Variants in CLN6 observed in about 807,000 individuals in gnomAD.
The protein encoded by CLN6 is ceroid-lipofuscinosis neuronal protein 6.
A neutral mutation model predicts 33.3 loss-of-function variants in CLN6; 22 were observed. The ratio of observed to expected loss-of-function variants is 0.66; its 90% CI spans 0.47 to 0.94. CLN6 has a LOEUF of 0.94. CLN6 is among the 40% of genes least tolerant of loss of function. The pLI is 0.00. For synonymous variants in CLN6, 201 were observed against 174.6 expected (o/e 1.15, Z -1.19); for missense variants, 387 against 417.1 (o/e 0.93, Z 0.63).
rs1892202787 is a variant in CLN6 at position 68,234,793 on chromosome 15, G to C, written c.180-16143C>G. Among the ~76,000 whole-genome samples the C allele has an allele frequency of 6.6e-6, 1 of 152,234 alleles. No individual in the cohort carries two copies. Among genetic ancestry groups the C allele is most frequent in the African/African-American group, 2.4e-5 (1 of 41,460 alleles). On this transcript the variant is annotated intron_variant, in intron 1 of 6. Transcript: ENST00000538696. The surrounding 1 kb of genome is among the most constrained non-coding windows in gnomAD (Gnocchi z 4.1). Reference sequence around the variant, plus strand: ...GCACTTTGGGAGGCCAAGGTGAGCAGATCATTTGAGGTCGGGAGTTTGAGA... The same window carrying C: ...GCACTTTGGGAGGCCAAGGTGAGCACATCATTTGAGGTCGGGAGTTTGAGA...
upstream of CLN6, among the ~76,000 whole-genome samples, chr15:68,231,718 C>T (rs1259015540): frequency 6.6e-6 from 1 of 152,248 alleles, no homozygotes; most frequent in Non-Finnish European, 1.5e-5. Context: ...AATACAAACA[C>T]ATCTGCCTTT....
upstream of CLN6, chr15:68,229,734 G>C (rs1022011588): frequency 3.8e-5 from 17 of 452,392 alleles, no homozygotes; most frequent in South Asian, 1.0e-3. Context: ...AACAGGCGGG[G>C]CTGCGGACCC....
chr15:68,256,604 G>A lies in CLN6; in HGVS notation c.179+86C>T. On this transcript the variant is annotated intron_variant, in intron 1 of 6. Coordinates refer to the CLN6 transcript ENST00000538696. This position sits in a 1 kb window ranked among gnomAD's most constrained non-coding sequence, Gnocchi z 4.1. Reference sequence around the variant, plus strand: ...CACACACGTGGCTGGCTTCAGGGGTGTGGGCAGTGCAGTCGCACAGGGCCC... The same window carrying A: ...CACACACGTGGCTGGCTTCAGGGGTATGGGCAGTGCAGTCGCACAGGGCCC... 3.5e-6 allele frequency: 2 copies of A among 577,338 alleles called. No homozygotes were observed. The highest frequency in any genetic ancestry group is 3.0e-5 in the Admixed American group (1 of 33,332). 35.8% of individuals were successfully genotyped at this position (577,338 alleles called of 1,614,324 possible). A position where few individuals can be genotyped will look rare whatever the true frequency, so the allele number is the denominator to read the frequency against.
In CLN6 at chr15:68,210,816, A is replaced by G. The variant is rs2093202792; in HGVS notation, c.542+447T>C. The stretch of plus-strand genomic sequence containing the variant: ...CAGCCTGATCCAGCTGGCTCCCCGC[A>G]GCTTCCTCCACTCCCAAAGAGCAGG... On this transcript the variant is annotated intron_variant, in intron 5 of 6. Transcript: ENST00000249806. The surrounding 1 kb of genome is among the most constrained non-coding windows in gnomAD (Gnocchi z 5.6). Among the ~76,000 whole-genome samples, 1 of 152,112 alleles carries G rather than the reference A, an allele frequency of 6.6e-6. No individual in the cohort carries two copies. Among genetic ancestry groups the G allele is most frequent in the Admixed American group, 6.5e-5 (1 of 15,276 alleles).
In CLN6 at chr15:68,211,931, CCCCCT is replaced by C; in HGVS notation, c.298-73_298-69del. 6.6e-7 allele frequency: 1 copy of C among 1,506,344 alleles called. No homozygotes were observed. The highest frequency in any genetic ancestry group is 9.1e-7 in the Non-Finnish European group (1 of 1,093,166). The allele number at this position is 1,506,344 out of a possible 1,614,324, so 93.3% of individuals were successfully genotyped here. A position where few individuals can be genotyped will look rare whatever the true frequency, so the allele number is the denominator to read the frequency against. The stretch of plus-strand genomic sequence containing the variant: ...CACAGTATGTGACACCCTCTGCTTC[CCCCCT>C]CACACCTGGGGTGGGATGGACGCTT... On this transcript the variant is annotated intron_variant, in intron 3 of 6. Transcript: ENST00000249806. The surrounding 1 kb of genome is among the most constrained non-coding windows in gnomAD (Gnocchi z 5.9).
At position 68,209,588 on chromosome 15, in the gene CLN6, T is replaced by C. The variant is rs747818313; in HGVS notation, c.665+49A>G. The C allele has an allele frequency of 1.2e-6, 2 of 1,607,900 alleles. No individual in the cohort carries two copies. Among genetic ancestry groups the C allele is most frequent in the Non-Finnish European group, 1.7e-6 (2 of 1,179,044 alleles). ...TGGCAAGTGCAGAATTTTGCTGCCGTGGCTCTCTCAGTGCCCCTGCCTCTG... is the reference window on the plus strand; with the variant it reads ...TGGCAAGTGCAGAATTTTGCTGCCGCGGCTCTCTCAGTGCCCCTGCCTCTG... On this transcript the variant is annotated intron_variant, in intron 6 of 6. Transcript: ENST00000249806. The surrounding 1 kb of genome is among the most constrained non-coding windows in gnomAD (Gnocchi z 4.9).
chr15:68,253,587 T>C (rs926441533), intron 1 of CLN6, among the ~76,000 whole-genome samples: 9 of 152,230 alleles, frequency 5.9e-5, no homozygotes, highest in South Asian at 2.1e-4. Flanking sequence ...GATGACACTA[T>C]TGCAATATAT....
intron 2 of CLN6, among the ~76,000 whole-genome samples, chr15:68,216,895 T>C (rs1349954476): frequency 6.6e-6 from 1 of 152,232 alleles, no homozygotes; most frequent in African/African-American, 2.4e-5. Flanking sequence ...AATTCAACCT[T>C]GTCAGAAAGG....
chr15:68,231,194 T>A (rs1025098504), upstream of CLN6, among the ~76,000 whole-genome samples: 3 of 152,206 alleles, frequency 2.0e-5, no homozygotes, highest in African/African-American at 4.8e-5. Flanking sequence ...TAGGACTGCC[T>A]GCCTGGGAGT....
upstream of CLN6, among the ~76,000 whole-genome samples, chr15:68,234,135 T>C (rs1235110438): frequency 6.6e-6 from 1 of 152,186 alleles, no homozygotes; most frequent in African/African-American, 2.4e-5. This position sits in a 1 kb window ranked among gnomAD's most constrained non-coding sequence, Gnocchi z 4.1. Context: ...TGCTGGGACT[T>C]TGGGAGCCCA....
intron 1 of CLN6, among the ~76,000 whole-genome samples, chr15:68,238,297 G>A (rs1202732761): frequency 6.6e-6 from 1 of 151,948 alleles, no homozygotes; most frequent in East Asian, 1.9e-4. Flanking sequence ...CCAGCTACTC[G>A]GGAGGCTGAG....
chr15:68,241,839 G>A lies in CLN6; in HGVS notation c.179+14851C>T, dbSNP rs1567104687. Among the ~76,000 whole-genome samples the A allele has an allele frequency of 6.6e-6, 1 of 152,138 alleles. No homozygotes were observed. The highest frequency in any genetic ancestry group is 1.5e-5 in the Non-Finnish European group (1 of 68,032). Reference sequence around the variant, plus strand: ...AGTGTTCCAATTGTTTATTAGAGCCGAGGCAAACCTGGGCTTAAGAAATCA... The same window carrying A: ...AGTGTTCCAATTGTTTATTAGAGCCAAGGCAAACCTGGGCTTAAGAAATCA... On this transcript the variant is annotated intron_variant, in intron 1 of 6. Transcript: ENST00000538696. This position sits in a 1 kb window ranked among gnomAD's most constrained non-coding sequence, Gnocchi z 4.2.
At position 68,221,465 on chromosome 15, in the gene CLN6, C is replaced by T. The variant is rs916159057; in HGVS notation, c.84-2815G>A. Among the ~76,000 whole-genome samples the T allele has an allele frequency of 8.5e-5, 13 of 152,110 alleles. No homozygotes were observed. The South Asian group carries it at 1.7e-3, about 19-fold the overall frequency. On this transcript the variant is annotated intron_variant, in intron 1 of 6. Transcript: ENST00000249806. ...CAGGCTGGTCTCCAGCTCTTGACCT[C>T]GAGTGATCTGCCCGCCTCGGCCTCC...
intron 1 of CLN6, among the ~76,000 whole-genome samples, chr15:68,237,774 T>G (rs1892234787): frequency 6.6e-6 from 1 of 152,102 alleles, no homozygotes; most frequent in Non-Finnish European, 1.5e-5. Flanking sequence ...GGATAAGAAT[T>G]TCCAGATCTA....
At chr15:68,222,724 T>C (rs1595823730) in intron 1 of CLN6, among the ~76,000 whole-genome samples, 1 of 152,210 alleles carries the variant, frequency 6.6e-6, no homozygotes, top group African/African-American at 2.4e-5. Flanking sequence ...GATCAGATTG[T>C]TACTGTGTCT....
Position 68,211,067 on chromosome 15 carries a change from G to T in CLN6, c.542+196C>A, listed in dbSNP as rs1385904586. ...CTGGAAGCCGGGGCCTGGAGCCTGG[G>T]ACAGCAGCTGGGTCTCCCGGGCAAC... is the stretch of plus-strand genomic sequence containing the variant. On this transcript the variant is annotated intron_variant, in intron 5 of 6. Transcript: ENST00000249806. The surrounding 1 kb of genome is among the most constrained non-coding windows in gnomAD (Gnocchi z 5.9). 1.3e-5 allele frequency among the ~76,000 whole-genome samples: 2 copies of T among 152,202 alleles called. No individual in the cohort carries two copies. The highest frequency in any genetic ancestry group is 2.9e-5 in the Non-Finnish European group (2 of 68,020).
In CLN6 at chr15:68,229,536, C is replaced by T. The variant is rs763944821; in HGVS notation, c.49G>A (p.Gly17Ser). ...RQHLGATGGP[G>S]AQLGASFLQA... is the part of the protein sequence containing the mutation. ...AGGAAGGAGGCGCCCAGCTGCGCGC[C>T]TGGGCCGCCCGTCGCTCCCAGGTGC... is the stretch of plus-strand genomic sequence containing the variant. Residue 17 changes from glycine (G) to serine (S), a missense_variant, in exon 1 of 7, where the codon GGC becomes AGC. Coordinates refer to ENST00000249806, the MANE Select transcript of CLN6 (RefSeq NM_017882.3). The T allele has an allele frequency of 2.2e-4, 323 of 1,467,910 alleles. 9 individuals are homozygous for T. In the South Asian group the frequency reaches 3.6e-3, roughly 16 times the overall value. 90.9% of individuals were successfully genotyped at this position (1,467,910 alleles called of 1,614,324 possible). A position where few individuals can be genotyped will look rare whatever the true frequency, so the allele number is the denominator to read the frequency against.
chr15:68,209,516 C>G lies in CLN6; in HGVS notation c.665+121G>C. Reference sequence around the variant, plus strand: ...TCCCCACTAGACACAAGAAGAAGCACGGGCCCAAAGAGGGCCAGTCTCCCT... The same window carrying G: ...TCCCCACTAGACACAAGAAGAAGCAGGGGCCCAAAGAGGGCCAGTCTCCCT... On this transcript the variant is annotated intron_variant, in intron 6 of 6. Transcript: ENST00000249806. The surrounding 1 kb of genome is among the most constrained non-coding windows in gnomAD (Gnocchi z 4.9). 1 of 1,378,858 alleles carries G rather than the reference C, an allele frequency of 7.3e-7. No homozygotes were observed. The highest frequency in any genetic ancestry group is 1.0e-6 in the Non-Finnish European group (1 of 984,344). The allele number at this position is 1,378,858 out of a possible 1,614,324, so 85.4% of individuals were successfully genotyped here. A position where few individuals can be genotyped will look rare whatever the true frequency, so the allele number is the denominator to read the frequency against.
At chr15:68,249,993 G>A (rs1022468515) in intron 1 of CLN6, among the ~76,000 whole-genome samples, 5 of 152,006 alleles carry the variant, frequency 3.3e-5, no homozygotes, top group African/African-American at 1.2e-4. Flanking sequence ...GGCCGATCTC[G>A]AACTCCTGAC....
Sources: gnomAD v4.1 joint callset for allele counts (sites outside exome capture counted in the v4.1 genomes callset) on GRCh38, gnomAD v4.1.1 for gene constraint, Gnocchi (gnomAD v3.1) non-coding constraint, MANE v1.5 for transcripts, NCBI Gene and HGNC (gene_info 2026-07-23, HGNC 2026-07-21) for gene names.